The following KIAA1217 variants were observed in gnomAD, a reference collection of about 807,000 sequenced individuals.
KIAA1217 encodes sickle tail protein homolog.
A neutral mutation model predicts 163.9 loss-of-function variants in KIAA1217; 88 were observed. The observed-to-expected ratio is 0.54, with a 90% CI of 0.45 to 0.64. The LOEUF (loss-of-function observed/expected upper bound fraction) is 0.64. Among genes scored for constraint, KIAA1217 ranks in the 30% least tolerant of loss-of-function variants. The pLI is 0.00. For synonymous variants in KIAA1217, 903 were observed against 923.1 expected, an observed-to-expected ratio of 0.98 and a Z score of 0.39; for missense variants, 2,372 against 2,475.0, an observed-to-expected ratio of 0.96 and a Z score of 0.88.
intron 2 of KIAA1217, among the ~76,000 whole-genome samples, chr10:24,106,360 G>C (rs987842506): frequency 1.3e-5 from 2 of 151,936 alleles, no homozygotes; most frequent in Non-Finnish European, 1.5e-5. Flanking sequence ...GAGAGGGTAA[G>C]AACATCTTCT....
At chr10:24,412,403 AG>A (rs2057863550) in intron 3 of KIAA1217, among the ~76,000 whole-genome samples, 1 of 152,180 alleles carries the variant, frequency 6.6e-6, no homozygotes, top group Non-Finnish European at 1.5e-5. Context: ...ATTATCTAAA[AG>A]CACTGTTTCC....
chr10:23,762,585 T>G (rs1486391956), intron 1 of KIAA1217, among the ~76,000 whole-genome samples: 2 of 152,098 alleles, frequency 1.3e-5, no homozygotes, highest in Admixed American at 1.3e-4. Context: ...TGTTAAAAAC[T>G]CTCAACAAAA....
intron 2 of KIAA1217, among the ~76,000 whole-genome samples, chr10:24,130,998 C>T (rs999049922): frequency 6.6e-6 from 1 of 152,154 alleles, no homozygotes; most frequent in African/African-American, 2.4e-5. Context: ...ACAGTTCTTC[C>T]TCCAGGGGGA....
Position 24,524,561 on chromosome 10 carries a change from C to T in KIAA1217, c.2695C>T (p.His899Tyr). 6.2e-7 allele frequency: 1 copy of T among 1,614,010 alleles called. No individual in the cohort carries two copies. Among genetic ancestry groups the T allele is most frequent in the Non-Finnish European group, 8.5e-7 (1 of 1,179,976 alleles). The change falls in exon 13 of 21, where the codon CAC (histidine) becomes TAC (tyrosine). Residue 899 changes from histidine to tyrosine, a missense_variant. By Grantham distance (83) the His-to-Tyr change is moderately conservative. Transcript: ENST00000376454. ...SSPVVIQPSQ[H>Y]SVALLNPAQN... ...CCCTGTGGTCATCCAGCCCTCCCAG[C>T]ACTCCGTGGCCCTGCTGAACCCTGC...
intron 1 of KIAA1217, among the ~76,000 whole-genome samples, chr10:24,000,023 A>C (rs907955031): frequency 3.9e-5 from 6 of 152,170 alleles, no homozygotes; most frequent in African/African-American, 1.4e-4. Context: ...CTGTGATTGC[A>C]CCACTGCAGT....
At chr10:23,732,328 C>G (rs891406514) in intron 1 of KIAA1217, among the ~76,000 whole-genome samples, 7 of 151,832 alleles carry the variant, frequency 4.6e-5, no homozygotes, top group South Asian at 2.1e-4. Flanking sequence ...GATTCACCAA[C>G]CATTGATCAA....
chr10:24,362,944 AAAG>A (rs1427200134), intron 2 of KIAA1217, among the ~76,000 whole-genome samples: 2 of 151,812 alleles, frequency 1.3e-5, no homozygotes, highest in Non-Finnish European at 2.9e-5. Context: ...AATTAAAAAA[AAAG>A]AAGAAGAAGA....
chr10:24,233,819 T>C (rs2071793130), intron 2 of KIAA1217, among the ~76,000 whole-genome samples: 1 of 152,218 alleles, frequency 6.6e-6, no homozygotes, highest in Admixed American at 6.5e-5. Flanking sequence ...CTTCTCAGTC[T>C]TTATTTTTTA....
intron 2 of KIAA1217, among the ~76,000 whole-genome samples, chr10:24,079,814 A>C (rs1171159774): frequency 6.6e-6 from 1 of 152,212 alleles, no homozygotes; most frequent in African/African-American, 2.4e-5. Flanking sequence ...GGCCACGCAC[A>C]ACTGAATTGA....
intron 1 of KIAA1217, among the ~76,000 whole-genome samples, chr10:23,880,901 C>T (rs2131188429): frequency 6.6e-6 from 1 of 152,050 alleles, no homozygotes; most frequent in East Asian, 2.0e-4. Context: ...GGCTGCTTGC[C>T]TGGTGCAGAC....
chr10:24,403,058 C>G (rs186615993), intron 3 of KIAA1217, among the ~76,000 whole-genome samples: 1 of 152,050 alleles, frequency 6.6e-6, no homozygotes, highest in African/African-American at 2.4e-5. Context: ...ACAAAAAAAA[C>G]TCAAAATAGA....
chr10:24,101,218 C>G (rs2062401490), intron 2 of KIAA1217, among the ~76,000 whole-genome samples: 1 of 152,188 alleles, frequency 6.6e-6, no homozygotes, highest in South Asian at 2.1e-4. Context: ...TAACAGCATA[C>G]ATTATTGCAG....
At chr10:23,945,546 A>G (rs908367828) in intron 1 of KIAA1217, among the ~76,000 whole-genome samples, 1 of 152,176 alleles carries the variant, frequency 6.6e-6, no homozygotes, top group South Asian at 2.1e-4. Context: ...AGTGGCGGTT[A>G]CGAAGTGTAT....
intron 1 of KIAA1217, among the ~76,000 whole-genome samples, chr10:23,871,557 G>A (rs990423566): frequency 1.3e-4 from 20 of 151,984 alleles, no homozygotes; most frequent in Admixed American, 1.2e-3. Context: ...GCACAGTCCA[G>A]CTCCCCTTCT....
At chr10:24,224,068 G>C (rs1434207149) in intron 2 of KIAA1217, among the ~76,000 whole-genome samples, 3 of 152,106 alleles carry the variant, frequency 2.0e-5, no homozygotes, top group Non-Finnish European at 2.9e-5. Context: ...TTATTGAAAG[G>C]CTAAGAGGTC....
chr10:24,514,709 G>A (rs1237095563), intron 10 of KIAA1217, among the ~76,000 whole-genome samples: 1 of 152,088 alleles, frequency 6.6e-6, no homozygotes, highest in Non-Finnish European at 1.5e-5. Context: ...GCATATCCTG[G>A]CTGGGCACGG....
chr10:24,493,410 A>G (rs548898271), intron 6 of KIAA1217, among the ~76,000 whole-genome samples: 1 of 152,352 alleles, frequency 6.6e-6, no homozygotes, highest in Admixed American at 6.5e-5. Context: ...TTTTGAACTA[A>G]CAAATATGCA....
chr10:23,942,979 G>A (rs10828578), intron 1 of KIAA1217, among the ~76,000 whole-genome samples: 22,589 of 151,322 alleles, frequency 0.15, 3,605 homozygotes, highest in African/African-American at 0.4. Flanking sequence ...AAAATTAGCT[G>A]GGCATTGTGG....
At chr10:24,368,161 T>G (rs1022698665) in intron 2 of KIAA1217, among the ~76,000 whole-genome samples, 1 of 152,244 alleles carries the variant, frequency 6.6e-6, no homozygotes, top group African/African-American at 2.4e-5. Context: ...AATTTTATTC[T>G]TAATCATTTT....
Sources: gnomAD v4.1 joint callset for allele counts (sites outside exome capture counted in the v4.1 genomes callset) on GRCh38, gnomAD v4.1.1 for gene constraint, MANE v1.5 for transcripts, NCBI Gene and HGNC (gene_info 2026-07-23, HGNC 2026-07-21) for gene names.